The following FKBP14 variants were observed in gnomAD, a reference collection of about 807,000 sequenced individuals.
The protein encoded by FKBP14 is FKBP prolyl isomerase 14.
In FKBP14, 20 loss-of-function variants were observed where a neutral mutation model predicts 21.6. The ratio of observed to expected loss-of-function variants is 0.92; its 90% CI spans 0.65 to 1.34. The LOEUF is 1.34. FKBP14 is among the 40% of genes most tolerant of loss of function. The pLI is 0.00. For synonymous variants in FKBP14, 79 were observed against 86.7 expected (o/e 0.91, Z 0.49); for missense variants, 253 against 249.0 (o/e 1.02, Z -0.11).
downstream of FKBP14, among the ~76,000 whole-genome samples, chr7:30,006,001 T>C (rs1789607083): frequency 6.6e-6 from 1 of 152,086 alleles, no homozygotes. Flanking sequence ...AGCATTTCAA[T>C]TACTATCTTT....
downstream of FKBP14, among the ~76,000 whole-genome samples, chr7:30,006,087 CAT>C (rs918192729): frequency 1.3e-5 from 2 of 148,324 alleles, no homozygotes; most frequent in Non-Finnish European, 3.0e-5. Flanking sequence ...TACATACACA[CAT>C]ATATATACAT....
chr7:30,015,767 A>G (rs968719885), intron 3 of FKBP14, among the ~76,000 whole-genome samples: 31 of 148,400 alleles, frequency 2.1e-4, no homozygotes, highest in Non-Finnish European at 3.0e-5. Flanking sequence ...CTGGGACTAC[A>G]GGCGCCCGCC....
downstream of FKBP14, among the ~76,000 whole-genome samples, chr7:30,008,634 T>A (rs1244413437): frequency 2.8e-5 from 4 of 143,988 alleles, no homozygotes; most frequent in African/African-American, 7.9e-5. Flanking sequence ...GGCGGGAAGA[T>A]CACTTGAACC....
chr7:30,022,864 A>T, intron 1 of FKBP14, 48 bp from the exon 2 acceptor site: 6 of 1,555,212 alleles, frequency 3.9e-6, no homozygotes, highest in Non-Finnish European at 4.3e-6. Flanking sequence ...ACTCTAAAAA[A>T]TTTTCTTTAG....
chr7:30,015,439 TAA>T (rs1384171113), intron 3 of FKBP14, among the ~76,000 whole-genome samples: 2 of 143,658 alleles, frequency 1.4e-5, no homozygotes, highest in Admixed American at 7.0e-5. Context: ...ATTAAAAAAT[TAA>T]AAATATATAT....
rs1237205685 is a variant in FKBP14, at chr7:30,014,678, A to G, written c.*57T>C. ...ATTGTATAAAAATAAAATGTTCTTT[A>G]AAGATGACTGCCCTCTCTTGAAAGA... On this transcript the variant is annotated 3_prime_UTR_variant, in exon 4 of 4. Transcript: ENST00000222803. The G allele has an allele frequency of 8.0e-6, 9 of 1,125,640 alleles. No homozygotes were observed. The East Asian group carries it at 2.5e-4, about 32-fold the overall frequency. The allele number at this position is 1,125,640 out of a possible 1,614,324, so 69.7% of individuals were successfully genotyped here. A position where few individuals can be genotyped will look rare whatever the true frequency, so the allele number is the denominator to read the frequency against.
chr7:30,018,938 C>G, intron 3 of FKBP14, 58 bp downstream of exon 3: 1 of 1,572,542 alleles, frequency 6.4e-7, no homozygotes, highest in Non-Finnish European at 8.6e-7. Context: ...CAAAACAAAA[C>G]AAAACCCCAA....
At chr7:30,019,748 A>G (rs1469810578) in intron 2 of FKBP14, among the ~76,000 whole-genome samples, 1 of 152,104 alleles carries the variant, frequency 6.6e-6, no homozygotes, top group Admixed American at 6.5e-5. Flanking sequence ...ATCCATGCAA[A>G]ATACTTAGCA....
At position 30,013,192 on chromosome 7, in the gene FKBP14, T is replaced by A. The variant is rs763106845; in HGVS notation, c.*1543A>T. 1.6e-4 allele frequency: 25 copies of A among 151,926 alleles called. No homozygotes were observed. Among genetic ancestry groups the A allele is most frequent in the Non-Finnish European group, 3.2e-4 (22 of 67,980 alleles). The allele number at this position is 151,926 out of a possible 1,614,324, so 9.4% of individuals were successfully genotyped here. On this transcript the variant is annotated 3_prime_UTR_variant, in exon 4 of 4. Coordinates refer to ENST00000222803, the MANE Select transcript of FKBP14 (RefSeq NM_017946.4). ...CAATTTAAAATAAAATTATATATATTTTTTTCTTTTTTAAAATCCAGGATA... is the reference window on the plus strand; with the variant it reads ...CAATTTAAAATAAAATTATATATATATTTTTCTTTTTTAAAATCCAGGATA...
downstream of FKBP14, among the ~76,000 whole-genome samples, chr7:30,010,302 G>A (rs1008164825): frequency 2.6e-5 from 4 of 151,908 alleles, no homozygotes; most frequent in South Asian, 2.1e-4. Flanking sequence ...CCTCCCCCTC[G>A]AAAAACCAAA....
chr7:30,020,305 C>T (rs1789998157), intron 2 of FKBP14: 2 of 1,284,284 alleles, frequency 1.6e-6, no homozygotes, highest in Non-Finnish European at 2.0e-6. Context: ...TACTAAAAGA[C>T]TACAAAATTA....
chr7:30,014,960 C>A, intron 3 of FKBP14, 67 bp from the exon 4 acceptor site: 1 of 1,059,066 alleles, frequency 9.4e-7, no homozygotes, highest in Non-Finnish European at 1.3e-6. Flanking sequence ...CAATCAATAT[C>A]ACAGACATGG....
chr7:30,006,081 T>C (rs755754024), downstream of FKBP14, among the ~76,000 whole-genome samples: 12 of 150,328 alleles, frequency 8.0e-5, no homozygotes, highest in Non-Finnish European at 1.6e-4. Flanking sequence ...CATATGTACA[T>C]ACACACATAT....
At chr7:30,022,627 C>T in intron 2 of FKBP14, 38 bp downstream of exon 2, 2 of 1,584,026 alleles carry the variant, frequency 1.3e-6, no homozygotes, top group Non-Finnish European at 1.7e-6. Flanking sequence ...GAGAACAACT[C>T]TAGTGCTATA....
intron 3 of FKBP14, among the ~76,000 whole-genome samples, chr7:30,017,034 G>C (rs1331346624): frequency 6.6e-6 from 1 of 152,088 alleles, no homozygotes; most frequent in African/African-American, 2.4e-5. Flanking sequence ...TGTATAGTTT[G>C]CTTCTTTTTG....
rs1295435565 is a variant in FKBP14, at chr7:30,020,913, A to G, written c.349+1752T>C. Among the ~76,000 whole-genome samples, 2 of 152,218 alleles carry G rather than the reference A, an allele frequency of 1.3e-5. 1 individual carries two copies. The highest frequency in any genetic ancestry group is 4.1e-4 in the South Asian group (2 of 4,830). ...GTTAGTTAATCTTATCCTATGAACA[A>G]GATTTGTATAGATTTGTATATTTTG... On this transcript the variant is annotated intron_variant, in intron 2 of 3. Coordinates refer to ENST00000222803, the MANE Select transcript of FKBP14 (RefSeq NM_017946.4).
intron 3 of FKBP14, among the ~76,000 whole-genome samples, chr7:30,018,718 AC>A (rs1562837482): frequency 3.3e-5 from 5 of 152,370 alleles, no homozygotes; most frequent in African/African-American, 1.2e-4. Context: ...AGCATAAGAT[AC>A]AGTGAACCCT....
chr7:30,010,014 A>G (rs1029165438), downstream of FKBP14, among the ~76,000 whole-genome samples: 1 of 152,096 alleles, frequency 6.6e-6, no homozygotes, highest in Non-Finnish European at 1.5e-5. Flanking sequence ...CAACAAAAGA[A>G]AAAAAATAGA....
chr7:30,015,695 G>A (rs1789865523), intron 3 of FKBP14, among the ~76,000 whole-genome samples: 2 of 135,244 alleles, frequency 1.5e-5, no homozygotes, highest in Non-Finnish European at 3.1e-5. Context: ...GCGCAATCTC[G>A]GCTCACTGCA....
Sources: allele counts gnomAD v4.1 joint callset (sites outside exome capture counted in the v4.1 genomes callset), GRCh38; gene constraint gnomAD v4.1.1; transcripts MANE v1.5; gene names NCBI Gene and HGNC (gene_info 2026-07-23, HGNC 2026-07-21).